CCDC91: variants seen among roughly 807,000 people sequenced by gnomAD.
CCDC91 encodes coiled-coil domain-containing protein 91.
A neutral mutation model predicts 63.2 loss-of-function variants in CCDC91; 48 were observed. The ratio of observed to expected loss-of-function variants is 0.76; its 90% confidence interval spans 0.60 to 0.97. The LOEUF (loss-of-function observed/expected upper bound fraction) is 0.97, where lower values mean the gene tolerates loss of function less well. Ranked by LOEUF, CCDC91 falls within the 50% of genes least tolerant of loss-of-function variation. CCDC91 has a pLI of 0.00. For synonymous variants in CCDC91, 167 were observed against 165.8 expected (o/e 1.01, Z -0.06); for missense variants, 500 against 494.6 (o/e 1.01, Z -0.10).
chr12:28,504,508 C>T (rs1209954756), intron 12 of CCDC91, among the ~76,000 whole-genome samples: 1 of 151,922 alleles, frequency 6.6e-6, no homozygotes, highest in African/African-American at 2.4e-5. Flanking sequence ...GTCTCCACTT[C>T]CCTCATATCC....
chr12:28,440,989 T>A lies in CCDC91; in HGVS notation c.763-9172T>A, dbSNP rs530654533. Among the ~76,000 whole-genome samples the A allele has an allele frequency of 5.7e-4, 67 of 118,344 alleles. 1 individual carries two copies. The Admixed American group carries it at 7.8e-3, about 14-fold the overall frequency. 77.6% of individuals were successfully genotyped at this position (118,344 alleles called of 152,430 possible). On this transcript the variant is annotated intron_variant, in intron 8 of 12. Coordinates refer to ENST00000536442, the MANE Select transcript of CCDC91 (RefSeq NM_018318.5). The stretch of plus-strand genomic sequence containing the variant: ...AGGAGAATAATTTGAATCCGGGAGG[T>A]GGAGGTTGCAGTGAGCCAAGATCGT...
intron 1 of CCDC91, among the ~76,000 whole-genome samples, chr12:28,244,123 A>G (rs940376383): frequency 3.2e-4 from 49 of 152,362 alleles, no homozygotes; most frequent in African/African-American, 1.2e-3. Context: ...TAAATGATCC[A>G]TAAATGTAAG....
intron 11 of CCDC91, among the ~76,000 whole-genome samples, chr12:28,481,289 G>C (rs1951433898): frequency 6.6e-6 from 1 of 151,652 alleles, no homozygotes. Context: ...CCATCTAGTG[G>C]GTAGATACTC....
At chr12:28,387,643 G>C (rs190083010) in intron 7 of CCDC91, among the ~76,000 whole-genome samples, 1 of 152,028 alleles carries the variant, frequency 6.6e-6, no homozygotes, top group Non-Finnish European at 1.5e-5. Flanking sequence ...TGTGATGTTT[G>C]GTTTTCCATT....
At chr12:28,208,966 A>G (rs1943044675) in intron 1 of CCDC91, among the ~76,000 whole-genome samples, 1 of 151,190 alleles carries the variant, frequency 6.6e-6, no homozygotes, top group South Asian at 2.1e-4. Flanking sequence ...ATGCCCGGCT[A>G]ATTTTTTTTT....
chr12:28,359,789 C>CTTTTTTTTTTTTTTTTTTTTTTT (rs1565853581), intron 6 of CCDC91, among the ~76,000 whole-genome samples: 3 of 150,400 alleles, frequency 2.0e-5, no homozygotes, highest in African/African-American at 7.5e-5. Context: ...TTTCTATTTA[C>CTTTTTTTTTTTTTTTTTTTTTTT]TTTTAAAATC....
chr12:28,380,596 T>C (rs1314085369), intron 7 of CCDC91, among the ~76,000 whole-genome samples: 1 of 152,104 alleles, frequency 6.6e-6, no homozygotes, highest in Admixed American at 6.6e-5. Context: ...AATAAGATTA[T>C]TTATTCATTT....
chr12:28,236,689 G>A (rs1195292825), intron 1 of CCDC91: 2 of 151,894 alleles, frequency 1.3e-5, no homozygotes, highest in African/African-American at 2.4e-5. Context: ...AAATACTGGC[G>A]AGCCACAATT....
chr12:28,547,663 GA>G, intron 12 of CCDC91, among the ~76,000 whole-genome samples: 1 of 152,204 alleles, frequency 6.6e-6, no homozygotes, highest in East Asian at 1.9e-4. Flanking sequence ...ATGATAAGCA[GA>G]AATCTTACTT....
chr12:28,388,312 GTC>G (rs1945730262), intron 7 of CCDC91, among the ~76,000 whole-genome samples: 1 of 152,166 alleles, frequency 6.6e-6, no homozygotes, highest in Non-Finnish European at 1.5e-5. Context: ...TAAAGAGAAA[GTC>G]AAACTGTTGC....
chr12:28,280,270 A>G (rs185761899), intron 3 of CCDC91, among the ~76,000 whole-genome samples: 15 of 152,286 alleles, frequency 9.8e-5, no homozygotes, highest in Non-Finnish European at 1.5e-4. Flanking sequence ...TATGTTTTAT[A>G]TGTGAAGAGA....
chr12:28,243,039 G>A (rs80212024), intron 1 of CCDC91, among the ~76,000 whole-genome samples: 151 of 152,228 alleles, frequency 9.9e-4, no homozygotes, highest in Middle Eastern at 3.4e-3. Context: ...CTGCAGAACC[G>A]TGGGCCAATT....
At chr12:28,234,013 C>T (rs1454749614) in intron 1 of CCDC91, among the ~76,000 whole-genome samples, 2 of 152,106 alleles carry the variant, frequency 1.3e-5, no homozygotes, top group African/African-American at 4.8e-5. Flanking sequence ...CCATCACTAT[C>T]ATGCATCCAC....
chr12:28,225,209 A>T (rs1364391355), intron 1 of CCDC91, among the ~76,000 whole-genome samples: 2 of 152,200 alleles, frequency 1.3e-5, no homozygotes, highest in African/African-American at 4.8e-5. Flanking sequence ...TGGAGTGATG[A>T]GAGAAAACTT....
intron 12 of CCDC91, among the ~76,000 whole-genome samples, chr12:28,537,755 G>A (rs1942290693): frequency 6.6e-6 from 1 of 152,174 alleles, no homozygotes; most frequent in Non-Finnish European, 1.5e-5. Flanking sequence ...AGATATTTGT[G>A]ATGACTGGGG....
chr12:28,270,455 G>A (rs1467931517), intron 3 of CCDC91, among the ~76,000 whole-genome samples: 12 of 152,150 alleles, frequency 7.9e-5, no homozygotes, highest in East Asian at 1.9e-4. Flanking sequence ...ACAATACAGC[G>A]TTGACAAAAT....
At position 28,450,410 on chromosome 12, in the gene CCDC91, G is replaced by A. The variant is rs767470255; in HGVS notation, c.916G>A (p.Ala306Thr). ...AAGAAATAAAGAGGCATTAGTATCC[G>A]CTGCAAAGGTATTTCCATCTGTAAT... ...RQRNKEALVSAAKLEKEAVKD... is the reference protein window; with the variant it reads ...RQRNKEALVSTAKLEKEAVKD... Residue 306 changes from alanine to threonine, a missense_variant, in exon 10 of 13, where the codon GCT (alanine) becomes ACT (threonine). Coordinates refer to ENST00000536442, the MANE Select transcript of CCDC91 (RefSeq NM_018318.5). The A allele has an allele frequency of 9.9e-6, 16 of 1,610,068 alleles. No homozygotes were observed. Among genetic ancestry groups the A allele is most frequent in the African/African-American group, 8.0e-5 (6 of 74,800 alleles).
intron 8 of CCDC91, among the ~76,000 whole-genome samples, chr12:28,410,828 G>T (rs1255365196): frequency 2.0e-5 from 3 of 152,072 alleles, no homozygotes; most frequent in Middle Eastern, 3.4e-3. Flanking sequence ...AGCCTTAATT[G>T]TGTTTTTAAA....
At chr12:28,453,336 GCAAA>G (rs1949905975) in intron 11 of CCDC91, among the ~76,000 whole-genome samples, 1 of 151,786 alleles carries the variant, frequency 6.6e-6, no homozygotes, top group Non-Finnish European at 1.5e-5. Flanking sequence ...AGTATCAAAA[GCAAA>G]AGAATAACAT....
Sources: gnomAD v4.1 joint callset for allele counts (sites outside exome capture counted in the v4.1 genomes callset) on GRCh38, gnomAD v4.1.1 for gene constraint, MANE v1.5 for transcripts, NCBI Gene and HGNC (gene_info 2026-07-23, HGNC 2026-07-21) for gene names.